CCDC97: variants seen among roughly 807,000 people sequenced by gnomAD.
CCDC97 encodes the protein coiled-coil domain containing 97, also known as coiled-coil domain-containing protein 97.
CCDC97 carries 27 observed loss-of-function variants against 33.9 expected under a neutral mutation model. That is an observed-to-expected ratio of 0.80 (90% CI 0.59 to 1.10). CCDC97 has a LOEUF of 1.10. CCDC97 is among the 50% of genes least tolerant of loss of function. CCDC97 has a pLI of 0.00. For missense variants in CCDC97, 422 were observed against 476.6 expected (o/e 0.89, Z 1.07); for synonymous variants, 217 against 194.0 (o/e 1.12, Z -0.99).
Position 41,319,704 on chromosome 19 carries a change from G to C in CCDC97, c.633G>C (p.Gly211=), listed in dbSNP as rs776920825. Reference sequence around the variant, plus strand: ...CAACCCACCAGCCCCCCAAGCCCGGGTCCCCCGGGAGACCTGCTTGCCCGC... The same window carrying C: ...CAACCCACCAGCCCCCCAAGCCCGGCTCCCCCGGGAGACCTGCTTGCCCGC... ...RTPTHQPPKP[G]SPGRPACPLS... The change falls in exon 3 of 5, where the codon GGG becomes GGC. Residue 211 remains glycine (G), a synonymous_variant. Transcript: ENST00000269967. 50 of 1,613,858 alleles carry C rather than the reference G, an allele frequency of 3.1e-5. No homozygotes were observed. Among genetic ancestry groups the C allele is most frequent in the African/African-American group, 4.0e-5 (3 of 74,936 alleles).
In CCDC97 at chr19:41,319,676, C is replaced by T. The variant is rs2037794708; in HGVS notation, c.605C>T (p.Thr202Ile). ...ACCCAGGAGGAGCTCAGTGCCCGCA[C>T]CCCAACCCACCAGCCCCCCAAGCCC... Reference protein sequence around the residue: ...YLTQEELSARTPTHQPPKPGS... With the variant: ...YLTQEELSARIPTHQPPKPGS... Residue 202 changes from threonine to isoleucine, a missense_variant, in exon 3 of 5, where the codon ACC becomes ATC. By Grantham distance (89) the Thr-to-Ile change is moderately conservative. Coordinates refer to ENST00000269967, the MANE Select transcript of CCDC97 (RefSeq NM_052848.3). 8 of 1,614,052 alleles carry T rather than the reference C, an allele frequency of 5.0e-6. No individual in the cohort carries two copies. The highest frequency in any genetic ancestry group is 6.8e-6 in the Non-Finnish European group (8 of 1,179,934).
intron 1 of CCDC97, chr19:41,310,724 C>T (rs534142987): frequency 1.8e-6 from 2 of 1,094,284 alleles, no homozygotes; most frequent in African/African-American, 3.2e-5. Flanking sequence ...CCAAGCTGAG[C>T]CTTCCCTTGC....
rs747840097 is a variant in CCDC97, at chr19:41,316,593, G to A, written c.256G>A (p.Asp86Asn). ...PVCSQQQGEP[D>N]LTEHEKVAIL... ...TTGCAGCCAGCAGCAGGGTGAACCC[G>A]ACTTGACAGAGCATGAGAAAGTGGC... Residue 86 changes from aspartate (D) to asparagine (N), a missense_variant, in exon 2 of 5, where the codon GAC becomes AAC. By Grantham distance (23) the Asp-to-Asn change is conservative. Transcript: ENST00000269967. 14 of 1,614,094 alleles carry A rather than the reference G, an allele frequency of 8.7e-6. No individual in the cohort carries two copies. The highest frequency in any genetic ancestry group is 4.5e-5 in the East Asian group (2 of 44,898).
chr19:41,322,767 C>G lies in CCDC97; in HGVS notation c.*52C>G, dbSNP rs758537007. On this transcript the variant is annotated 3_prime_UTR_variant, in exon 5 of 5. Transcript: ENST00000269967. ...CCCATCCCCATCCCCAACAAGGCAG[C>G]TGATTCCAGGCCTGCTCAGTGACCC... 2 of 1,595,032 alleles carry G rather than the reference C, an allele frequency of 1.3e-6. No individual in the cohort carries two copies. The highest frequency in any genetic ancestry group is 2.3e-5 in the South Asian group (2 of 88,750).
intron 4 of CCDC97, 87 bp downstream of exon 4, chr19:41,320,557 G>A (rs778446250): frequency 1.3e-6 from 2 of 1,545,506 alleles, no homozygotes; most frequent in East Asian, 2.3e-5. Flanking sequence ...AGCTGTGGGG[G>A]TCTCCCTTTG....
chr19:41,310,406 T>C (rs1221336530), intron 1 of CCDC97, 50 bp downstream of exon 1: 1 of 1,570,886 alleles, frequency 6.4e-7, no homozygotes, highest in Non-Finnish European at 8.6e-7. Flanking sequence ...TTGCGGTGTC[T>C]CTAGGAAATG....
In CCDC97 at chr19:41,316,542, G is replaced by A. The variant is rs201218332; in HGVS notation, c.205G>A (p.Ala69Thr). 279 of 1,614,218 alleles carry A rather than the reference G, an allele frequency of 1.7e-4. 2 individuals are homozygous for A. Among genetic ancestry groups the A allele is most frequent in the South Asian group, 7.5e-4 (68 of 91,088 alleles). ...TGCAGCAGTGAGTGCTATGCTGCAC[G>A]CTGTAGCCGCCAGCCGCCTGCCTGT... ...ENAAVSAMLH[A>T]VAASRLPVCS... The change falls in exon 2 of 5, where the codon GCT (alanine) becomes ACT (threonine). Residue 69 changes from alanine (A) to threonine (T), a missense_variant. By Grantham distance (58) the Ala-to-Thr change is moderately conservative (BLOSUM62 0). Transcript: ENST00000269967.
At chr19:41,316,909 G>A (rs2037756789) in intron 2 of CCDC97, 70 bp downstream of exon 2, 2 of 1,222,038 alleles carry the variant, frequency 1.6e-6, no homozygotes, top group African/African-American at 1.5e-5. Flanking sequence ...GAGGGAATTA[G>A]AGAAAAGAAT....
intron 3 of CCDC97, 54 bp from the exon 4 acceptor site, chr19:41,320,282 GTGCTC>G: frequency 5.6e-6 from 9 of 1,604,902 alleles, no homozygotes; most frequent in South Asian, 1.1e-5. Flanking sequence ...TGTGGACTCT[GTGCTC>G]AGTGCCTGCC....
intron 1 of CCDC97, among the ~76,000 whole-genome samples, chr19:41,314,477 C>T (rs909412948): frequency 2.6e-5 from 4 of 152,154 alleles, no homozygotes; most frequent in Admixed American, 1.3e-4. Flanking sequence ...GTTGGGTGAA[C>T]GCATGAATGC....
Position 41,324,181 on chromosome 19 carries a change from TAAAG to T in CCDC97, c.*1469_*1472del, listed in dbSNP as rs1265468234. The T allele has an allele frequency of 6.6e-6, 1 of 152,226 alleles. No individual in the cohort carries two copies. Among genetic ancestry groups the T allele is most frequent in the East Asian group, 1.9e-4 (1 of 5,188 alleles). 9.4% of individuals were successfully genotyped at this position (152,226 alleles called of 1,614,324 possible). On this transcript the variant is annotated 3_prime_UTR_variant, in exon 5 of 5. Transcript: ENST00000269967. ...CAGACAAGATGCTCAGAGCGACTATTAAAGAACGAAAGCCTCTGCTACGGAGCGC... is the reference window on the plus strand; with the variant it reads ...CAGACAAGATGCTCAGAGCGACTATTAACGAAAGCCTCTGCTACGGAGCGC...
chr19:41,311,285 G>C (rs375597199), intron 1 of CCDC97, among the ~76,000 whole-genome samples: 5 of 152,000 alleles, frequency 3.3e-5, no homozygotes, highest in African/African-American at 1.2e-4. Flanking sequence ...CTACTCAGGA[G>C]ACTAAGGTGG....
chr19:41,320,505 C>T, intron 4 of CCDC97, 35 bp downstream of exon 4: 1 of 1,613,202 alleles, frequency 6.2e-7, no homozygotes, highest in Non-Finnish European at 8.5e-7. Flanking sequence ...ATCCCCCAGC[C>T]CAGCATCCCA....
In CCDC97 at chr19:41,322,603, A is replaced by G; in HGVS notation, c.920A>G (p.Asp307Gly). 2 of 1,613,258 alleles carry G rather than the reference A, an allele frequency of 1.2e-6. No individual in the cohort carries two copies. Among genetic ancestry groups the G allele is most frequent in the Non-Finnish European group, 1.7e-6 (2 of 1,179,546 alleles). The change falls in exon 5 of 5, where the codon GAC (aspartate) becomes GGC (glycine). Residue 307 changes from aspartate to glycine, a missense_variant. Physicochemically the swap from Asp to Gly is moderately conservative, Grantham distance 94. Transcript: ENST00000269967. ...GCCTCCTCCTCCTGCAGCACAGTAG[A>G]CGACAACCCCGACTTCGACAACCTC... Reference protein sequence around the residue: ...KDGDFDYSTVDDNPDFDNLDI... With the variant: ...KDGDFDYSTVGDNPDFDNLDI...
Position 41,322,965 on chromosome 19 carries a change from T to G in CCDC97, c.*250T>G. On this transcript the variant is annotated 3_prime_UTR_variant, in exon 5 of 5. Coordinates refer to ENST00000269967, the MANE Select transcript of CCDC97 (RefSeq NM_052848.3). ...TTCTTGGTGTCTGTCTGGGCTTCTT[T>G]CTGTCTCTTTCTGTCTTTCTGTCTC... 3.1e-6 allele frequency: 1 copy of G among 325,920 alleles called. No individual in the cohort carries two copies. Among genetic ancestry groups the G allele is most frequent in the Non-Finnish European group, 5.8e-6 (1 of 172,594 alleles). The allele number at this position is 325,920 out of a possible 1,614,324, so 20.2% of individuals were successfully genotyped here. A position where few individuals can be genotyped will look rare whatever the true frequency, so the allele number is the denominator to read the frequency against.
chr19:41,318,612 G>A (rs930305568), intron 2 of CCDC97, among the ~76,000 whole-genome samples: 1 of 152,180 alleles, frequency 6.6e-6, no homozygotes, highest in Non-Finnish European at 1.5e-5. Flanking sequence ...CTGAAGACAC[G>A]GCTAGGACCA....
chr19:41,312,554 C>A (rs945659262), intron 1 of CCDC97, among the ~76,000 whole-genome samples: 2 of 152,236 alleles, frequency 1.3e-5, no homozygotes, highest in Non-Finnish European at 2.9e-5. Context: ...GGTGCTGTAA[C>A]AAAGTACTAC....
chr19:41,320,501 C>T, intron 4 of CCDC97, 31 bp downstream of exon 4: 1 of 1,613,414 alleles, frequency 6.2e-7, no homozygotes, highest in Non-Finnish European at 8.5e-7. Flanking sequence ...CCCCATCCCC[C>T]AGCCCAGCAT....
intron 4 of CCDC97, among the ~76,000 whole-genome samples, chr19:41,321,193 C>T (rs1237369405): frequency 6.6e-6 from 1 of 152,226 alleles, no homozygotes; most frequent in Non-Finnish European, 1.5e-5. Flanking sequence ...CCGTGGGGCC[C>T]AGCCATGGTC....
Sources: allele counts gnomAD v4.1 joint callset (sites outside exome capture counted in the v4.1 genomes callset), GRCh38; gene constraint gnomAD v4.1.1; transcripts MANE v1.5; gene names NCBI Gene and HGNC (gene_info 2026-07-23, HGNC 2026-07-21).